Variants in PLEKHA1 observed in about 807,000 individuals in gnomAD.
The protein encoded by PLEKHA1 is pleckstrin homology domain-containing family A member 1.
Under a neutral mutation model 52.0 loss-of-function variants are expected in PLEKHA1, and 34 were observed. The observed-to-expected ratio is 0.65, with a 90% CI of 0.50 to 0.87. The LOEUF (loss-of-function observed/expected upper bound fraction) is 0.87. PLEKHA1 is among the 40% of genes least tolerant of loss of function. The pLI, the probability that PLEKHA1 is intolerant of heterozygous loss-of-function variation, is 0.00. For synonymous variants in PLEKHA1, 163 were observed against 170.7 expected, an observed-to-expected ratio of 0.95 and a Z score of 0.35; for missense variants, 497 against 504.2, an observed-to-expected ratio of 0.99 and a Z score of 0.14.
chr10:122,413,829 A>C (rs2097138909), intron 6 of PLEKHA1, among the ~76,000 whole-genome samples: 1 of 152,106 alleles, frequency 6.6e-6, no homozygotes. Flanking sequence ...GGTATTGCCA[A>C]GCTTGGGTAT....
Position 122,430,739 on chromosome 10 carries a change from G to A in PLEKHA1, c.*801G>A, listed in dbSNP as rs1466391884. The A allele has an allele frequency of 6.6e-6, 1 of 152,204 alleles. No individual in the cohort carries two copies. Among genetic ancestry groups the A allele is most frequent in the Admixed American group, 6.5e-5 (1 of 15,290 alleles). 9.4% of individuals were successfully genotyped at this position (152,204 alleles called of 1,614,324 possible). A position where few individuals can be genotyped will look rare whatever the true frequency, so the allele number is the denominator to read the frequency against. On this transcript the variant is annotated 3_prime_UTR_variant, in exon 12 of 12. Coordinates refer to ENST00000368990, the MANE Select transcript of PLEKHA1 (RefSeq NM_001001974.4). ...TATTTCTATATTTGGATTGGTGAAA[G>A]ACCTCAAGTTTATATGTAAAGACAT...
At position 122,384,446 on chromosome 10, in the gene PLEKHA1, A is replaced by G. The variant is rs371381360; in HGVS notation, c.-20-8735A>G. 1.9e-4 allele frequency among the ~76,000 whole-genome samples: 29 copies of G among 151,536 alleles called. No homozygotes were observed. In the South Asian group the frequency reaches 6.0e-3, roughly 32 times the overall value. On this transcript the variant is annotated intron_variant, in intron 1 of 11. Transcript: ENST00000368990. ...ACACGGTGAAACCCCGTCTCTACTA[A>G]AAATACAAAAAATTAGCCGGGTGAG...
intron 8 of PLEKHA1, chr10:122,423,644 A>G (rs1449129327): frequency 6.6e-6 from 1 of 152,438 alleles, no homozygotes; most frequent in African/African-American, 2.4e-5. Flanking sequence ...GATACTTAAC[A>G]TGTCTAATCT....
chr10:122,415,970 A>G lies in PLEKHA1; in HGVS notation c.580A>G (p.Lys194Glu). The G allele has an allele frequency of 1.2e-6, 2 of 1,613,338 alleles. No homozygotes were observed. Among genetic ancestry groups the G allele is most frequent in the Non-Finnish European group, 1.7e-6 (2 of 1,179,606 alleles). The change falls in exon 7 of 12, where the codon AAA (lysine) becomes GAA (glutamate). Residue 194 changes from lysine to glutamate, a missense_variant. Lys to Glu is a moderately conservative substitution (Grantham distance 56, BLOSUM62 1). Coordinates refer to ENST00000368990, the MANE Select transcript of PLEKHA1 (RefSeq NM_001001974.4). ...ACCACCTCAAGATAGTGCGGTTATCAAAGCTGGATATTGTGTAAAACAAGG... is the reference window on the plus strand; with the variant it reads ...ACCACCTCAAGATAGTGCGGTTATCGAAGCTGGATATTGTGTAAAACAAGG... ...PKPPQDSAVI[K>E]AGYCVKQGAV...
intron 1 of PLEKHA1, among the ~76,000 whole-genome samples, chr10:122,384,905 G>C (rs1326896812): frequency 6.6e-6 from 1 of 152,138 alleles, no homozygotes; most frequent in Non-Finnish European, 1.5e-5. Context: ...GCAGTGAGCC[G>C]AGTATCACGC....
chr10:122,438,310 T>G, the PLEKHA1 span: 2 of 152,122 alleles, frequency 1.3e-5, no homozygotes, highest in Non-Finnish European at 2.9e-5. Flanking sequence ...GTTGATGAAA[T>G]GACCCAGTAG....
chr10:122,421,674 G>C lies in PLEKHA1; in HGVS notation c.682-2525G>C, dbSNP rs2097262036. 2 of 151,992 alleles carry C rather than the reference G, an allele frequency of 1.3e-5. 1 individual carries two copies. Among genetic ancestry groups the C allele is most frequent in the South Asian group, 4.1e-4 (2 of 4,824 alleles). 9.4% of individuals were successfully genotyped at this position (151,992 alleles called of 1,614,324 possible). On this transcript the variant is annotated intron_variant, in intron 8 of 11. Coordinates refer to ENST00000368990, the MANE Select transcript of PLEKHA1 (RefSeq NM_001001974.4). ...GAGAAAATGGAGGGGAAAATACCTG[G>C]TAGGCAAATGAACAAAAGACATGAA...
chr10:122,435,916 T>C (rs1311537112), downstream of PLEKHA1: 3 of 151,768 alleles, frequency 2.0e-5, no homozygotes, highest in Admixed American at 6.6e-5. Flanking sequence ...GAAAAAGATA[T>C]TGTGTACCCT....
chr10:122,408,153 A>G (rs2097050912), intron 5 of PLEKHA1, among the ~76,000 whole-genome samples: 1 of 152,240 alleles, frequency 6.6e-6, no homozygotes, highest in African/African-American at 2.4e-5. Context: ...CCTGCTTGAA[A>G]AATTTCTTTA....
chr10:122,437,447 A>T, the PLEKHA1 span: 1 of 152,198 alleles, frequency 6.6e-6, no homozygotes, highest in Admixed American at 6.5e-5. Flanking sequence ...AGGCAGTTGG[A>T]TATGCAAATT....
At position 122,413,020 on chromosome 10, in the gene PLEKHA1, G is replaced by A; in HGVS notation, c.443G>A (p.Gly148Asp). 6.2e-7 allele frequency: 1 copy of A among 1,612,976 alleles called. No individual in the cohort carries two copies. Among genetic ancestry groups the A allele is most frequent in the Non-Finnish European group, 8.5e-7 (1 of 1,179,304 alleles). ...QVSYRTDIVG[G>D]VPIITPTQKE... Reference sequence around the variant, plus strand: ...TCTTACAGAACTGATATTGTTGGTGGCGTACCCATCATTACTCCCACTCAG... The same window carrying A: ...TCTTACAGAACTGATATTGTTGGTGACGTACCCATCATTACTCCCACTCAG... The change falls in exon 6 of 12, where the codon GGC becomes GAC. Residue 148 changes from glycine to aspartate, a missense_variant. Physicochemically the swap from Gly to Asp is moderately conservative, Grantham distance 94 (BLOSUM62 -1). Coordinates refer to ENST00000368990, the MANE Select transcript of PLEKHA1 (RefSeq NM_001001974.4).
intron 1 of PLEKHA1, chr10:122,387,673 T>C (rs536996730): frequency 2.6e-5 from 4 of 152,356 alleles, no homozygotes; most frequent in Admixed American, 2.0e-4. Flanking sequence ...AGATGGCAGC[T>C]GGAATGAGAG....
At chr10:122,381,683 T>C (rs1402404739) in intron 1 of PLEKHA1, among the ~76,000 whole-genome samples, 2 of 152,174 alleles carry the variant, frequency 1.3e-5, no homozygotes, top group Non-Finnish European at 2.9e-5. Flanking sequence ...TAGTTCTTTA[T>C]AGCAATGCAA....
chr10:122,416,044 T>G, intron 7 of PLEKHA1, 42 bp downstream of exon 7: 3 of 1,553,040 alleles, frequency 1.9e-6, no homozygotes, highest in Non-Finnish European at 2.6e-6. Context: ...GAAAAAGGAT[T>G]ACGTTCTAGC....
intron 9 of PLEKHA1, 96 bp downstream of exon 9, chr10:122,424,359 A>G: frequency 7.4e-7 from 1 of 1,347,506 alleles, no homozygotes. Context: ...ATTTTTCCAT[A>G]TTAATTGTAG....
At chr10:122,416,252 C>G (rs998069550) in intron 7 of PLEKHA1, among the ~76,000 whole-genome samples, 1 of 151,964 alleles carries the variant, frequency 6.6e-6, no homozygotes, top group Non-Finnish European at 1.5e-5. Context: ...ATGAGCTTTC[C>G]TAACAGTTTA....
At position 122,402,272 on chromosome 10, in the gene PLEKHA1, C is replaced by T. The variant is rs757536710; in HGVS notation, c.244+1884C>T. Among the ~76,000 whole-genome samples, 93 of 152,118 alleles carry T rather than the reference C, an allele frequency of 6.1e-4. 1 individual carries two copies. The highest frequency in any genetic ancestry group is 3.3e-3 in the Admixed American group (50 of 15,268). ...TAAGATTAGTCGTTCATTGGTCAGG[C>T]AATAGTTTATTAGTCCTCTACTGTT... On this transcript the variant is annotated intron_variant, in intron 4 of 11. Coordinates refer to ENST00000368990, the MANE Select transcript of PLEKHA1 (RefSeq NM_001001974.4).
chr10:122,385,832 A>G (rs2133817409), intron 1 of PLEKHA1, among the ~76,000 whole-genome samples: 1 of 152,276 alleles, frequency 6.6e-6, no homozygotes, highest in South Asian at 2.1e-4. Flanking sequence ...TTATTTTGCC[A>G]AGTAATATTT....
intron 5 of PLEKHA1, among the ~76,000 whole-genome samples, chr10:122,410,902 C>G (rs2132983820): frequency 6.6e-6 from 1 of 152,234 alleles, no homozygotes; most frequent in African/African-American, 2.4e-5. Context: ...TGTTTTCTCT[C>G]TGGTTTCAGG....
Sources: gnomAD v4.1 joint callset for allele counts (sites outside exome capture counted in the v4.1 genomes callset) on GRCh38, gnomAD v4.1.1 for gene constraint, MANE v1.5 for transcripts, NCBI Gene and HGNC (gene_info 2026-07-23, HGNC 2026-07-21) for gene names.